The following TRIM21 variants were observed in gnomAD, a reference collection of about 807,000 sequenced individuals.
TRIM21 encodes tripartite motif containing 21.
Under a neutral mutation model 36.1 loss-of-function variants are expected in TRIM21, and 35 were observed. The ratio of observed to expected loss-of-function variants is 0.97; its 90% confidence interval spans 0.74 to 1.28. The LOEUF (loss-of-function observed/expected upper bound fraction) is 1.28. Ranked by LOEUF, TRIM21 falls within the 50% of genes most tolerant of loss-of-function variation. TRIM21 has a pLI of 0.00. For missense variants in TRIM21, 635 were observed against 570.7 expected, an observed-to-expected ratio of 1.11 and a Z score of -1.15; for synonymous variants, 256 against 211.5, an observed-to-expected ratio of 1.21 and a Z score of -1.83.
At position 4,389,718 on chromosome 11, in the gene TRIM21, C is replaced by T. The variant is rs200627515; in HGVS notation, c.440G>A (p.Arg147Lys). 50 of 1,613,904 alleles carry T rather than the reference C, an allele frequency of 3.1e-5. No individual in the cohort carries two copies. The highest frequency in any genetic ancestry group is 4.0e-5 in the African/African-American group (3 of 74,934). The change falls in exon 3 of 7, where the codon AGA (arginine) becomes AAA (lysine). Residue 147 changes from arginine (R) to lysine (K), a missense_variant. By Grantham distance (26) the Arg-to-Lys change is conservative. Transcript: ENST00000254436. ...CTTCTCAGCCAACTCCTGCTTTCTT[C>T]TCAGTTCCCCTAATGCCACCTGGAG... ...EKLQVALGEL[R>K]RKQELAEKLE...
In TRIM21 at chr11:4,389,660, G is replaced by C. The variant is rs754138818; in HGVS notation, c.498C>G (p.Asp166Glu). ...LEVEIAIKRA[D>E]WKKTVETQKS... ...TTCAGGATGTCATTCTTACCTTCCAGTCTGCTCTCTTTATTGCAATTTCCA... is the reference window on the plus strand; with the variant it reads ...TTCAGGATGTCATTCTTACCTTCCACTCTGCTCTCTTTATTGCAATTTCCA... Residue 166 changes from aspartate (D) to glutamate (E), a missense_variant, in exon 3 of 7, where the codon GAC becomes GAG. Asp to Glu is a conservative substitution (Grantham distance 45). Coordinates refer to ENST00000254436, the MANE Select transcript of TRIM21 (RefSeq NM_003141.4). 15 of 1,613,588 alleles carry C rather than the reference G, an allele frequency of 9.3e-6. No individual in the cohort carries two copies. In the East Asian group the frequency reaches 3.3e-4, roughly 36 times the overall value.
At chr11:4,385,917 TG>T in intron 6 of TRIM21, 64 bp from the exon 7 acceptor site, 2 of 1,363,718 alleles carry the variant, frequency 1.5e-6, no homozygotes, top group Non-Finnish European at 2.0e-6. Flanking sequence ...GTGCCTGTGG[TG>T]GGGGGATTTT....
chr11:4,390,225 T>C lies in TRIM21; in HGVS notation c.185A>G (p.Asn62Ser). 6.2e-7 allele frequency: 1 copy of C among 1,613,966 alleles called. No individual in the cohort carries two copies. Among genetic ancestry groups the C allele is most frequent in the Non-Finnish European group, 8.5e-7 (1 of 1,179,880 alleles). ...PVCRQRFLLKNLRPNRQLANM... is the reference protein window; with the variant it reads ...PVCRQRFLLKSLRPNRQLANM... ...GGCTAGCTGTCGATTGGGCCGGAGA[T>C]TCTTGAGCAGAAAGCGCTGCCGGCA... Residue 62 changes from asparagine to serine, a missense_variant, in exon 2 of 7, where the codon AAT becomes AGT. Coordinates refer to ENST00000254436, the MANE Select transcript of TRIM21 (RefSeq NM_003141.4).
chr11:4,387,641 C>G (rs555094538), intron 4 of TRIM21, among the ~76,000 whole-genome samples: 1 of 152,000 alleles, frequency 6.6e-6, no homozygotes, highest in African/African-American at 2.4e-5. Flanking sequence ...AGATCACCTA[C>G]GGTTGGGAGT....
chr11:4,385,490 C>A lies in TRIM21; in HGVS notation c.1223G>T (p.Gly408Val). Residue 408 changes from glycine to valine, a missense_variant, in exon 7 of 7, where the codon GGG (glycine) becomes GTG (valine). By Grantham distance (109) the Gly-to-Val change is moderately radical (BLOSUM62 -3). Coordinates refer to ENST00000254436, the MANE Select transcript of TRIM21 (RefSeq NM_003141.4). ...GCCAGCCTCATAGTCCAGGAAAATC[C>A]CAACTTGGCATGGAGGCACCTGAAG... is the stretch of plus-strand genomic sequence containing the variant. ...LHLQVPPCQV[G>V]IFLDYEAGMV... 6.2e-7 allele frequency: 1 copy of A among 1,611,956 alleles called. No homozygotes were observed. The highest frequency in any genetic ancestry group is 8.5e-7 in the Non-Finnish European group (1 of 1,179,006).
rs764861100 is a variant in TRIM21, at chr11:4,388,483, C to A, written c.552G>T (p.Gln184His). ...QKSRIHAEFV[Q>H]QKNFLVEEEQ... The stretch of plus-strand genomic sequence containing the variant: ...CTTCTTCAACCAGGAAGTTTTTTTG[C>A]TGCACAAACTCTGCGTGAATCCTAG... Residue 184 changes from glutamine to histidine, a missense_variant, in exon 4 of 7, where the codon CAG becomes CAT. Physicochemically the swap from Gln to His is conservative, Grantham distance 24. Transcript: ENST00000254436. The A allele has an allele frequency of 6.2e-7, 1 of 1,612,820 alleles. No individual in the cohort carries two copies. Among genetic ancestry groups the A allele is most frequent in the South Asian group, 1.1e-5 (1 of 91,084 alleles).
chr11:4,385,879 C>G, intron 6 of TRIM21, 26 bp from the exon 7 acceptor site: 1 of 1,573,890 alleles, frequency 6.4e-7, no homozygotes, highest in Non-Finnish European at 8.6e-7. Context: ...CACAGTCAGG[C>G]CTTGCATGGG....
rs202232848 is a variant in TRIM21, at chr11:4,388,488, C to G, written c.547G>C (p.Val183Leu). ...TCAACCAGGAAGTTTTTTTGCTGCA[C>G]AAACTCTGCGTGAATCCTAGATTTC... ...TQKSRIHAEFVQQKNFLVEEE... is the reference protein window; with the variant it reads ...TQKSRIHAEFLQQKNFLVEEE... The change falls in exon 4 of 7, where the codon GTG (valine) becomes CTG (leucine). Residue 183 changes from valine (V) to leucine (L), a missense_variant. Transcript: ENST00000254436. The G allele has an allele frequency of 3.3e-5, 53 of 1,612,538 alleles. No individual in the cohort carries two copies. The East Asian group carries it at 8.0e-4, about 24-fold the overall frequency.
intron 1 of TRIM21, among the ~76,000 whole-genome samples, chr11:4,391,117 A>C (rs2094962636): frequency 6.6e-6 from 1 of 152,258 alleles, no homozygotes; most frequent in Non-Finnish European, 1.5e-5. Flanking sequence ...CAAAAGAAAC[A>C]ATCCACAAAG....
chr11:4,385,965 C>T, intron 6 of TRIM21, 112 bp from the exon 7 acceptor site: 1 of 1,189,176 alleles, frequency 8.4e-7, no homozygotes, highest in East Asian at 2.6e-5. Flanking sequence ...GGTGAACCTC[C>T]CTGTGTGAGG....
At chr11:4,390,479 GAA>G in intron 1 of TRIM21, 21 bp from the exon 2 acceptor site, 1 of 1,468,988 alleles carries the variant, frequency 6.8e-7, no homozygotes, top group Non-Finnish European at 9.2e-7. Context: ...AGAAGAAAGG[GAA>G]AAGAGAATAT....
At chr11:4,388,669 A>ACACGCG in intron 3 of TRIM21, 139 bp from the exon 4 acceptor site, 1 of 756,110 alleles carries the variant, frequency 1.3e-6, no homozygotes, top group Non-Finnish European at 2.2e-6. Flanking sequence ...ATGCACACGC[A>ACACGCG]CACGCGCGCA....
intron 3 of TRIM21, 145 bp from the exon 4 acceptor site, chr11:4,388,675 G>A (rs550751557): frequency 6.1e-5 from 46 of 751,514 alleles, no homozygotes; most frequent in South Asian, 2.9e-4. Context: ...ACGCACACGC[G>A]CGCACACACA....
Position 4,390,145 on chromosome 11 carries a change from C to A in TRIM21, c.265G>T (p.Gly89Trp), listed in dbSNP as rs757990805. The A allele has an allele frequency of 1.5e-5, 25 of 1,613,916 alleles. No individual in the cohort carries two copies. Among genetic ancestry groups the A allele is most frequent in the Non-Finnish European group, 2.1e-5 (25 of 1,179,898 alleles). ...ISQEAREGTQ[G>W]ERCAVHGERL... The stretch of plus-strand genomic sequence containing the variant: ...TCTCCATGCACTGCACACCGTTCCC[C>A]CTGTGTGCCCTCTCTGGCCTCCTGG... The change falls in exon 2 of 7, where the codon GGG becomes TGG. Residue 89 changes from glycine to tryptophan, a missense_variant. Gly to Trp is a radical substitution (Grantham distance 184, BLOSUM62 -2). Transcript: ENST00000254436.
At chr11:4,387,955 ACT>A (rs2094958321) in intron 4 of TRIM21, among the ~76,000 whole-genome samples, 2 of 152,076 alleles carry the variant, frequency 1.3e-5, no homozygotes, top group Non-Finnish European at 2.9e-5. Flanking sequence ...GCTCATGACC[ACT>A]CTGAGTGACA....
Position 4,388,393 on chromosome 11 carries a change from T to C in TRIM21, c.642A>G (p.Lys214=), listed in dbSNP as rs1399960232. The C allele has an allele frequency of 4.3e-6, 7 of 1,613,960 alleles. No individual in the cohort carries two copies. Among genetic ancestry groups the C allele is most frequent in the Middle Eastern group, 1.6e-4 (1 of 6,062 alleles). The stretch of plus-strand genomic sequence containing the variant: ...GGCTCTGCTGGGCCAGCTTGGCCTC[T>C]TTCTCCCCCAGGATTCTCAGCTGCT... The part of the protein sequence containing the change: ...EREQLRILGE[K]EAKLAQQSQA... The change falls in exon 4 of 7, where the codon AAA becomes AAG. Residue 214 remains lysine (K), a synonymous_variant. Transcript: ENST00000254436.
intron 4 of TRIM21, among the ~76,000 whole-genome samples, chr11:4,387,638 C>T (rs2133051441): frequency 6.6e-6 from 1 of 152,170 alleles, no homozygotes; most frequent in African/African-American, 2.4e-5. Context: ...GGCAGATCAC[C>T]TACGGTTGGG....
rs768746875 is a variant in TRIM21 at position 4,385,450 on chromosome 11, G to C, written c.1263C>G (p.Tyr421Ter). ...LDYEAGMVSF[Y>*]NITDHGSLIY... ...TGAGGGAGCCATGGTCAGTGATGTTGTAGAAGGAGACCATGCCAGCCTCAT... is the reference window on the plus strand; with the variant it reads ...TGAGGGAGCCATGGTCAGTGATGTTCTAGAAGGAGACCATGCCAGCCTCAT... Residue 421 changes from tyrosine (Y) to a stop codon, truncating the protein, a stop_gained, in exon 7 of 7, where the codon TAC becomes TAG. Coordinates refer to ENST00000254436, the MANE Select transcript of TRIM21 (RefSeq NM_003141.4). LOFTEE classifies it low-confidence loss of function (END_TRUNC). 6.2e-7 allele frequency: 1 copy of C among 1,613,212 alleles called. No homozygotes were observed. Among genetic ancestry groups the C allele is most frequent in the South Asian group, 1.1e-5 (1 of 90,866 alleles).
chr11:4,389,699 A>G lies in TRIM21; in HGVS notation c.459T>C (p.Ala153=). The change falls in exon 3 of 7, where the codon GCT becomes GCC. Residue 153 remains alanine, a synonymous_variant. Coordinates refer to ENST00000254436, the MANE Select transcript of TRIM21 (RefSeq NM_003141.4). ...TTGCAATTTCCACTTCCAACTTCTC[A>G]GCCAACTCCTGCTTTCTTCTCAGTT... is the stretch of plus-strand genomic sequence containing the variant. The part of the protein sequence containing the change: ...LGELRRKQEL[A]EKLEVEIAIK... 6.2e-7 allele frequency: 1 copy of G among 1,613,748 alleles called. No homozygotes were observed. Among genetic ancestry groups the G allele is most frequent in the Non-Finnish European group, 8.5e-7 (1 of 1,179,740 alleles).
Sources: allele counts gnomAD v4.1 joint callset (sites outside exome capture counted in the v4.1 genomes callset), GRCh38; gene constraint gnomAD v4.1.1; transcripts MANE v1.5; gene names NCBI Gene and HGNC (gene_info 2026-07-23, HGNC 2026-07-21).